The following SHANK2 variants were observed in gnomAD, a reference collection of about 807,000 sequenced individuals.
The protein encoded by SHANK2 is SH3 and multiple ankyrin repeat domains 2.
Under a neutral mutation model 133.7 loss-of-function variants are expected in SHANK2, and 43 were observed. The observed-to-expected ratio is 0.32, with a 90% CI of 0.25 to 0.41. The LOEUF is 0.41. SHANK2 is among the 10% of genes least tolerant of loss of function. SHANK2 has a pLI of 1.00. For missense variants in SHANK2, 1,994 were observed against 2,235.8 expected (o/e 0.89, Z 2.18); for synonymous variants, 1,017 against 952.8 (o/e 1.07, Z -1.24).
intron 14 of SHANK2, among the ~76,000 whole-genome samples, chr11:70,722,256 A>G (rs1218579333): frequency 1.3e-5 from 2 of 152,220 alleles, no homozygotes; most frequent in East Asian, 1.9e-4. Flanking sequence ...GATGGGAGGC[A>G]TTTGTGCAAA....
chr11:70,500,490 T>C lies in SHANK2; in HGVS notation c.2308+80A>G. The C allele has an allele frequency of 1.3e-6, 2 of 1,548,470 alleles. No homozygotes were observed. Among genetic ancestry groups the C allele is most frequent in the Non-Finnish European group, 8.8e-7 (1 of 1,141,416 alleles). ...AAGGCTTTGCGACACATTTGAGACT[T>C]CACGGCATCACAAAGGATGTTTCTG... On this transcript the variant is annotated intron_variant, in intron 21 of 25. Coordinates refer to ENST00000601538, the MANE Select transcript of SHANK2 (RefSeq NM_012309.5). This position sits in a 1 kb window ranked among gnomAD's most constrained non-coding sequence, Gnocchi z 4.5.
Position 70,471,117 on chromosome 11 carries a change from T to C in SHANK2, c.*1752A>G, listed in dbSNP as rs1334545418. On this transcript the variant is annotated 3_prime_UTR_variant, in exon 26 of 26. Transcript: ENST00000601538. This position sits in a 1 kb window ranked among gnomAD's most constrained non-coding sequence, Gnocchi z 4.1. ...GCACTGAAGTGGCACAAAGGCTGCC[T>C]AGTAGACCAGCCACTTTTTTTTCTT... is the stretch of plus-strand genomic sequence containing the variant. 2 of 396,958 alleles carry C rather than the reference T, an allele frequency of 5.0e-6. No homozygotes were observed. The highest frequency in any genetic ancestry group is 4.4e-5 in the Admixed American group (1 of 22,652). 24.6% of individuals were successfully genotyped at this position (396,958 alleles called of 1,614,324 possible). A position where few individuals can be genotyped will look rare whatever the true frequency, so the allele number is the denominator to read the frequency against.
chr11:71,149,215 C>T lies in SHANK2; in HGVS notation c.-12-1877G>A, dbSNP rs569806218. ...GAAGACGATGGAGGAAAAGCAGGTG[C>T]GAGAACAGCTCGCTGCCTTCCCCCG... is the stretch of plus-strand genomic sequence containing the variant. On this transcript the variant is annotated intron_variant, in intron 2 of 25. Coordinates refer to ENST00000601538, the MANE Select transcript of SHANK2 (RefSeq NM_012309.5). 1.4e-4 allele frequency among the ~76,000 whole-genome samples: 21 copies of T among 152,234 alleles called. No homozygotes were observed. In the South Asian group the frequency reaches 3.7e-3, roughly 27 times the overall value.
chr11:70,538,340 C>T (rs1554974544), intron 17 of SHANK2, among the ~76,000 whole-genome samples: 4 of 152,268 alleles, frequency 2.6e-5, no homozygotes. Context: ...GAGGCCACCG[C>T]CTTTGTCCCG....
intron 2 of SHANK2, among the ~76,000 whole-genome samples, chr11:71,150,681 C>T (rs1423488660): frequency 6.6e-6 from 1 of 152,018 alleles, no homozygotes; most frequent in Admixed American, 6.6e-5. Context: ...GTAAGAAAGG[C>T]GCCATGCCAT....
In SHANK2 at chr11:71,181,528, T is replaced by A. The variant is rs564889435; in HGVS notation, c.-12-34190A>T. ...ATGACAATTCAGGATCTCAGAAGAA[T>A]GAAGCCAAGGTCAGAATCTCATCTT... On this transcript the variant is annotated intron_variant, in intron 2 of 25. Coordinates refer to ENST00000601538, the MANE Select transcript of SHANK2 (RefSeq NM_012309.5). 3.9e-5 allele frequency among the ~76,000 whole-genome samples: 6 copies of A among 152,154 alleles called. No individual in the cohort carries two copies. The East Asian group carries it at 1.2e-3, about 29-fold the overall frequency.
At chr11:70,750,576 T>A (rs1233738102) in intron 14 of SHANK2, among the ~76,000 whole-genome samples, 1 of 152,076 alleles carries the variant, frequency 6.6e-6, no homozygotes, top group African/African-American at 2.4e-5. Context: ...AGAAGCCTGA[T>A]AAAGGGGTCT....
At chr11:71,168,410 T>A (rs1320711046) in intron 2 of SHANK2, among the ~76,000 whole-genome samples, 1 of 151,282 alleles carries the variant, frequency 6.6e-6, no homozygotes, top group Non-Finnish European at 1.5e-5. Context: ...GCTCCTCACT[T>A]CCCAGACGGG....
intron 11 of SHANK2, among the ~76,000 whole-genome samples, chr11:70,860,955 A>G (rs1415998811): frequency 1.3e-5 from 2 of 152,236 alleles, no homozygotes; most frequent in Non-Finnish European, 2.9e-5. Context: ...AGCCGCGTGC[A>G]TCTCAGGGGA....
chr11:70,943,043 G>A (rs1555084665), intron 10 of SHANK2: 2 of 456,534 alleles, frequency 4.4e-6, no homozygotes, highest in Non-Finnish European at 8.8e-6. Context: ...AAGTACTGTG[G>A]GAATCAAAAT....
intron 4 of SHANK2, 69 bp from the exon 5 acceptor site, chr11:71,113,433 G>A (rs371586367): frequency 2.3e-5 from 33 of 1,426,538 alleles, no homozygotes; most frequent in African/African-American, 9.9e-5. Flanking sequence ...GAGGGAAAAC[G>A]GGCCTTTTCC....
intron 17 of SHANK2, among the ~76,000 whole-genome samples, chr11:70,526,452 T>C (rs1440130980): frequency 6.6e-6 from 1 of 152,192 alleles, no homozygotes; most frequent in African/African-American, 2.4e-5. Context: ...AGGGCCTGAT[T>C]GCCATGCCTT....
At chr11:71,171,093 C>T (rs145026598) in intron 2 of SHANK2, among the ~76,000 whole-genome samples, 46 of 152,312 alleles carry the variant, frequency 3.0e-4, no homozygotes, top group Admixed American at 1.5e-3. Flanking sequence ...CGTCTTTTTG[C>T]ACACGCGGGG....
At chr11:70,950,142 T>G (rs1950811507) in intron 10 of SHANK2, 1 of 456,052 alleles carries the variant, frequency 2.2e-6, no homozygotes, top group African/African-American at 2.0e-5. Flanking sequence ...CACTGCAACC[T>G]CTGTCTCCCG....
intron 21 of SHANK2, among the ~76,000 whole-genome samples, chr11:70,499,859 A>AGATGTGCC (rs2059025421): frequency 6.6e-6 from 1 of 152,206 alleles, no homozygotes; most frequent in African/African-American, 2.4e-5. Context: ...GACAGAGTTA[A>AGATGTGCC]GATGTGCCTT....
chr11:71,109,898 G>A (rs1016034196), intron 6 of SHANK2, 43 bp downstream of exon 6: 40 of 1,248,974 alleles, frequency 3.2e-5, no homozygotes, highest in Admixed American at 2.2e-4. Flanking sequence ...CCTTCTCTAC[G>A]CTTCCGTAAA....
chr11:70,801,027 C>T (rs1490055546), intron 13 of SHANK2, among the ~76,000 whole-genome samples: 1 of 152,216 alleles, frequency 6.6e-6, no homozygotes, highest in African/African-American at 2.4e-5. Context: ...CTCTCTGTAC[C>T]TCGGTTTCCT....
Position 71,186,959 on chromosome 11 carries a change from G to A in SHANK2, c.-13+37738C>T, listed in dbSNP as rs563761242. Reference sequence around the variant, plus strand: ...TCAAGGCGAAGTCTGTGCAATTGCCGATTCCTCCTGCCGTAGCTGGTTTAT... The same window carrying A: ...TCAAGGCGAAGTCTGTGCAATTGCCAATTCCTCCTGCCGTAGCTGGTTTAT... On this transcript the variant is annotated intron_variant, in intron 2 of 25. Transcript: ENST00000601538. Among the ~76,000 whole-genome samples, 10 of 152,338 alleles carry A rather than the reference G, an allele frequency of 6.6e-5. No individual in the cohort carries two copies. The South Asian group carries it at 8.3e-4, about 13-fold the overall frequency.
intron 17 of SHANK2, among the ~76,000 whole-genome samples, chr11:70,532,234 G>A (rs1344648503): frequency 6.6e-6 from 1 of 152,192 alleles, no homozygotes; most frequent in Non-Finnish European, 1.5e-5. Context: ...CCCCCATACT[G>A]TGCAAGATAA....
Sources: gnomAD v4.1 joint callset for allele counts (sites outside exome capture counted in the v4.1 genomes callset) on GRCh38, gnomAD v4.1.1 for gene constraint, Gnocchi (gnomAD v3.1) non-coding constraint, MANE v1.5 for transcripts, NCBI Gene and HGNC (gene_info 2026-07-23, HGNC 2026-07-21) for gene names.